HECTD4: variants seen among roughly 807,000 people sequenced by gnomAD.
The protein encoded by HECTD4 is HECT domain E3 ubiquitin protein ligase 4, also known as probable E3 ubiquitin-protein ligase HECTD4.
HECTD4 carries 114 observed loss-of-function variants against 471.5 expected under a neutral mutation model. The ratio of observed to expected loss-of-function variants is 0.24; its 90% CI spans 0.21 to 0.28. HECTD4 has a LOEUF of 0.28. HECTD4 is among the 10% of genes least tolerant of loss of function. The pLI is 1.00. For synonymous variants in HECTD4, 2,012 were observed against 2,256.0 expected (o/e 0.89, Z 3.07); for missense variants, 3,866 against 5,651.5 (o/e 0.68, Z 10.13).
intron 67 of HECTD4, 160 bp from the exon 68 acceptor site, chr12:112,171,423 C>T (rs1234323882): frequency 2.5e-6 from 3 of 1,181,376 alleles, no homozygotes; most frequent in Admixed American, 5.2e-5. Context: ...CCCAATGTGC[C>T]TGTGCCTATG....
intron 29 of HECTD4, 71 bp from the exon 30 acceptor site, chr12:112,244,080 AC>A: frequency 6.7e-7 from 1 of 1,482,154 alleles, no homozygotes; most frequent in Non-Finnish European, 9.3e-7. Flanking sequence ...ACACAGAACT[AC>A]CCAACAGTCT....
rs1398022915 is a variant in HECTD4 at position 112,228,879 on chromosome 12, G to A, written c.6520-68C>T. ...TGTGGGCAGCTGTCTTACGAGACAA[G>A]AGGAAAAAGTAAATTTATAGTTGTC... is the stretch of plus-strand genomic sequence containing the variant. On this transcript the variant is annotated intron_variant, in intron 41 of 75. Coordinates refer to ENST00000682272, the MANE Select transcript of HECTD4 (RefSeq NM_001388303.1). This position sits in a 1 kb window ranked among gnomAD's most constrained non-coding sequence, Gnocchi z 4.9. 11 of 1,438,256 alleles carry A rather than the reference G, an allele frequency of 7.6e-6. No individual in the cohort carries two copies. Among genetic ancestry groups the A allele is most frequent in the Admixed American group, 2.1e-5 (1 of 47,688 alleles). The allele number at this position is 1,438,256 out of a possible 1,614,324, so 89.1% of individuals were successfully genotyped here.
At chr12:112,347,029 G>A (rs948902082) in intron 1 of HECTD4, among the ~76,000 whole-genome samples, 6 of 152,104 alleles carry the variant, frequency 3.9e-5, no homozygotes, top group Non-Finnish European at 8.8e-5. Context: ...AAATCTGTGG[G>A]TTGAATCTGG....
In HECTD4 at chr12:112,228,874, G is replaced by A. The variant is rs1413103743; in HGVS notation, c.6520-63C>T. 8.7e-6 allele frequency: 13 copies of A among 1,489,718 alleles called. No individual in the cohort carries two copies. Among genetic ancestry groups the A allele is most frequent in the Non-Finnish European group, 1.2e-5 (13 of 1,087,928 alleles). The allele number at this position is 1,489,718 out of a possible 1,614,324, so 92.3% of individuals were successfully genotyped here. Reference sequence around the variant, plus strand: ...TGACGTGTGGGCAGCTGTCTTACGAGACAAGAGGAAAAAGTAAATTTATAG... The same window carrying A: ...TGACGTGTGGGCAGCTGTCTTACGAAACAAGAGGAAAAAGTAAATTTATAG... On this transcript the variant is annotated intron_variant, in intron 41 of 75. Coordinates refer to ENST00000682272, the MANE Select transcript of HECTD4 (RefSeq NM_001388303.1). This position sits in a 1 kb window ranked among gnomAD's most constrained non-coding sequence, Gnocchi z 4.9.
intron 1 of HECTD4, among the ~76,000 whole-genome samples, chr12:112,352,528 G>C (rs1229505388): frequency 6.6e-6 from 1 of 151,770 alleles, no homozygotes; most frequent in Non-Finnish European, 1.5e-5. Flanking sequence ...TAGAGACAGG[G>C]TTTTACCATG....
At chr12:112,325,547 T>A in intron 1 of HECTD4, among the ~76,000 whole-genome samples, 1 of 152,222 alleles carries the variant, frequency 6.6e-6, no homozygotes, top group East Asian at 1.9e-4. Context: ...CTGGTACTTA[T>A]GAATATTAAA....
chr12:112,285,104 C>T (rs2034722749), intron 7 of HECTD4, among the ~76,000 whole-genome samples: 1 of 152,152 alleles, frequency 6.6e-6, no homozygotes, highest in Non-Finnish European at 1.5e-5. Flanking sequence ...TCTCAAAGTG[C>T]TGGAATTACA....
intron 1 of HECTD4, among the ~76,000 whole-genome samples, chr12:112,375,440 C>A (rs1414174677): frequency 6.6e-6 from 1 of 152,092 alleles, no homozygotes; most frequent in Non-Finnish European, 1.5e-5. Flanking sequence ...GAAGCACTAA[C>A]CAAAATGCTT....
At position 112,216,894 on chromosome 12, in the gene HECTD4, T is replaced by G; in HGVS notation, c.7264A>C (p.Ile2422Leu). Residue 2422 changes from isoleucine (I) to leucine (L), a missense_variant, in exon 47 of 76, where the codon ATC (isoleucine) becomes CTC (leucine). This residue lies in a region of HECTD4 where 617 missense variants were observed against 915.1 expected (regional missense o/e 0.67). Coordinates refer to ENST00000682272, the MANE Select transcript of HECTD4 (RefSeq NM_001388303.1). Reference protein sequence around the residue: ...QAPSFYWEIEIVSYGDTDDDT... With the variant: ...QAPSFYWEIELVSYGDTDDDT... ...TCATCGGTGTCTCCATAGGAAACGA[T>G]TTCAATTTCCCAGTAAAAAGACGGG... 1 of 1,613,948 alleles carries G rather than the reference T, an allele frequency of 6.2e-7. No homozygotes were observed. The highest frequency in any genetic ancestry group is 8.5e-7 in the Non-Finnish European group (1 of 1,179,838).
chr12:112,192,535 T>G (rs1593914687), intron 59 of HECTD4, 25 bp downstream of exon 59: 2 of 1,493,004 alleles, frequency 1.3e-6, no homozygotes, highest in Non-Finnish European at 1.8e-6. Context: ...GCTGTTCTCA[T>G]CATGACAAGC....
chr12:112,245,858 G>A (rs1039936059), intron 29 of HECTD4, among the ~76,000 whole-genome samples: 32 of 152,140 alleles, frequency 2.1e-4, no homozygotes, highest in African/African-American at 4.1e-4. Flanking sequence ...TAGGCCGGGC[G>A]TGGTGGCTCA....
At chr12:112,178,567 C>T (rs1240175487) in intron 64 of HECTD4, among the ~76,000 whole-genome samples, 9 of 152,288 alleles carry the variant, frequency 5.9e-5, no homozygotes, top group African/African-American at 1.7e-4. Context: ...CAGTGGCTCC[C>T]GCCTGTAACC....
Position 112,193,026 on chromosome 12 carries a change from C to G in HECTD4, c.9086+35G>C, listed in dbSNP as rs757474179. ...ACCAGAATTCATTTAGCTTTCCTCTCCCCATCACCATCTTCTTGAGAACAG... is the reference window on the plus strand; with the variant it reads ...ACCAGAATTCATTTAGCTTTCCTCTGCCCATCACCATCTTCTTGAGAACAG... On this transcript the variant is annotated intron_variant, in intron 58 of 75. Coordinates refer to ENST00000682272, the MANE Select transcript of HECTD4 (RefSeq NM_001388303.1). This position sits in a 1 kb window ranked among gnomAD's most constrained non-coding sequence, Gnocchi z 5.2. The G allele has an allele frequency of 3.7e-6, 6 of 1,612,294 alleles. No homozygotes were observed. The African/African-American group carries it at 8.0e-5, about 22-fold the overall frequency.
chr12:112,239,252 G>A lies in HECTD4; in HGVS notation c.5106-16C>T. On this transcript the variant is annotated splice_polypyrimidine_tract_variant and intron_variant, in intron 33 of 75. Transcript: ENST00000682272. This position sits in a 1 kb window ranked among gnomAD's most constrained non-coding sequence, Gnocchi z 4.9. ...CTCTTCGCTCCTGACAAAGGGTCAT[G>A]GATTACACTAGATAAACGTAACTGA... The A allele has an allele frequency of 6.3e-7, 1 of 1,597,220 alleles. No individual in the cohort carries two copies. Among genetic ancestry groups the A allele is most frequent in the African/African-American group, 1.3e-5 (1 of 74,430 alleles).
Position 112,162,689 on chromosome 12 carries a change from T to C in HECTD4, c.13121-166A>G. ...GGCCTGGGAACCTGCGAGATGTTCT[T>C]GGAGGGAAAAGGGGAGAGAGCTGCT... On this transcript the variant is annotated intron_variant, in intron 75 of 75. Coordinates refer to ENST00000682272, the MANE Select transcript of HECTD4 (RefSeq NM_001388303.1). The surrounding 1 kb of genome is among the most constrained non-coding windows in gnomAD (Gnocchi z 5.2). 1.3e-6 allele frequency: 1 copy of C among 758,556 alleles called. No individual in the cohort carries two copies. The highest frequency in any genetic ancestry group is 2.1e-6 in the Non-Finnish European group (1 of 473,550). The allele number at this position is 758,556 out of a possible 1,614,324, so 47.0% of individuals were successfully genotyped here.
At chr12:112,303,566 G>A (rs2035208422) in intron 7 of HECTD4, among the ~76,000 whole-genome samples, 1 of 152,102 alleles carries the variant, frequency 6.6e-6, no homozygotes, top group Admixed American at 6.5e-5. Flanking sequence ...AAGAAAGAGG[G>A]AGGCCAGGTG....
chr12:112,178,768 G>A (rs1248470439), intron 64 of HECTD4, among the ~76,000 whole-genome samples, 163 bp downstream of exon 64: 1 of 152,242 alleles, frequency 6.6e-6, no homozygotes, highest in Non-Finnish European at 1.5e-5. Flanking sequence ...GCTGCAGTGA[G>A]CTGTGATCGG....
chr12:112,162,169 G>C lies in HECTD4; in HGVS notation c.*218C>G. 2 of 550,096 alleles carry C rather than the reference G, an allele frequency of 3.6e-6. No individual in the cohort carries two copies. The highest frequency in any genetic ancestry group is 4.7e-5 in the South Asian group (2 of 42,510). 34.1% of individuals were successfully genotyped at this position (550,096 alleles called of 1,614,324 possible). On this transcript the variant is annotated 3_prime_UTR_variant, in exon 76 of 76. Transcript: ENST00000682272. This position sits in a 1 kb window ranked among gnomAD's most constrained non-coding sequence, Gnocchi z 5.2. ...TGGGAACTAAACTATCCTACAAATA[G>C]ACCACAAACAGGCAGCAAAAGAACC...
intron 40 of HECTD4, 87 bp from the exon 41 acceptor site, chr12:112,229,967 G>T: frequency 7.9e-7 from 1 of 1,259,434 alleles, no homozygotes. Context: ...AACAGTGCCT[G>T]GGTCCCATGT....
Sources: gnomAD v4.1 joint callset for allele counts (sites outside exome capture counted in the v4.1 genomes callset) on GRCh38, gnomAD v4.1.1 for gene constraint, gnomAD v4.1.1 regional missense constraint, Gnocchi (gnomAD v3.1) non-coding constraint, MANE v1.5 for transcripts, NCBI Gene and HGNC (gene_info 2026-07-23, HGNC 2026-07-21) for gene names.